Variants in SLX4IP observed in about 807,000 individuals in gnomAD.
The protein encoded by SLX4IP is protein SLX4IP.
SLX4IP carries 34 observed loss-of-function variants against 32.9 expected under a neutral mutation model. The observed-to-expected ratio is 1.03, with a 90% confidence interval of 0.79 to 1.38. The LOEUF is 1.38. Among genes scored for constraint, SLX4IP ranks in the 40% most tolerant of loss-of-function variants. The probability of loss-of-function intolerance (pLI) is 0.00; values close to 1 mark genes in which losing one functional copy is unlikely to be tolerated. For missense variants in SLX4IP, 444 were observed against 479.0 expected, an observed-to-expected ratio of 0.93 and a Z score of 0.68; for synonymous variants, 172 against 171.7, an observed-to-expected ratio of 1.00 and a Z score of -0.01.
intron 2 of SLX4IP, among the ~76,000 whole-genome samples, chr20:10,550,831 C>T (rs1387516653): frequency 6.6e-6 from 1 of 152,190 alleles, no homozygotes; most frequent in Admixed American, 6.5e-5. Flanking sequence ...ACTGCGACAC[C>T]ACCTCCCCTT....
chr20:10,562,270 AG>A (rs903508410), intron 4 of SLX4IP, among the ~76,000 whole-genome samples: 32 of 152,236 alleles, frequency 2.1e-4, no homozygotes, highest in African/African-American at 6.5e-4. Context: ...AATGGGTGCA[AG>A]GTTTTACTGA....
At chr20:10,581,871 A>T (rs191432490) in intron 4 of SLX4IP, among the ~76,000 whole-genome samples, 8 of 152,292 alleles carry the variant, frequency 5.3e-5, no homozygotes, top group South Asian at 4.1e-4. Context: ...GCAGTGAGCT[A>T]TGATCACGCC....
chr20:10,454,242 T>C (rs2065266596), intron 1 of SLX4IP, among the ~76,000 whole-genome samples: 1 of 152,218 alleles, frequency 6.6e-6, no homozygotes, highest in Non-Finnish European at 1.5e-5. Context: ...GTGGGGCTTA[T>C]GGATGTGGAC....
intron 2 of SLX4IP, among the ~76,000 whole-genome samples, chr20:10,541,419 A>G (rs2066104881): frequency 6.6e-6 from 1 of 152,230 alleles, no homozygotes; most frequent in Non-Finnish European, 1.5e-5. Context: ...TAATAGAACC[A>G]GGATTTCTGA....
chr20:10,601,614 A>G lies in SLX4IP; in HGVS notation c.317-117A>G, dbSNP rs549268198. The G allele has an allele frequency of 1.1e-5, 8 of 758,270 alleles. No individual in the cohort carries two copies. The East Asian group carries it at 1.6e-4, about 16-fold the overall frequency. 47.0% of individuals were successfully genotyped at this position (758,270 alleles called of 1,614,324 possible). The stretch of plus-strand genomic sequence containing the variant: ...AAGGATGGGAGGAGAGAAGAGACGT[A>G]TGTTTTATATGGATGTGCATATTGC... On this transcript the variant is annotated intron_variant, in intron 5 of 7. Transcript: ENST00000334534.
At chr20:10,528,242 T>C (rs951784413) in intron 2 of SLX4IP, among the ~76,000 whole-genome samples, 4 of 152,222 alleles carry the variant, frequency 2.6e-5, no homozygotes, top group African/African-American at 9.6e-5. Flanking sequence ...TTTGAAATTA[T>C]ATGAAAACAA....
chr20:10,560,101 C>A (rs1198295063), intron 3 of SLX4IP, among the ~76,000 whole-genome samples: 1 of 152,178 alleles, frequency 6.6e-6, no homozygotes, highest in Non-Finnish European at 1.5e-5. Flanking sequence ...TCCTTTTGAA[C>A]AAAGATCTAG....
intron 2 of SLX4IP, among the ~76,000 whole-genome samples, chr20:10,535,408 G>A (rs1393360513): frequency 6.6e-6 from 1 of 152,034 alleles, no homozygotes; most frequent in Non-Finnish European, 1.5e-5. Flanking sequence ...TGAAACCTCC[G>A]CCTCCTGGGT....
rs561113355 is a variant in SLX4IP, at chr20:10,627,428, G to A, written c.*4049G>A. On this transcript the variant is annotated 3_prime_UTR_variant, in exon 8 of 8. Transcript: ENST00000334534. ...GCATTGTAAAACGAAGTTAATTCAG[G>A]TAATTACTCAGTACAGAAATCTAAC... 1.3e-5 allele frequency: 2 copies of A among 152,266 alleles called. No individual in the cohort carries two copies. The highest frequency in any genetic ancestry group is 1.3e-4 in the Admixed American group (2 of 15,294). The allele number at this position is 152,266 out of a possible 1,614,324, so 9.4% of individuals were successfully genotyped here. A position where few individuals can be genotyped will look rare whatever the true frequency, so the allele number is the denominator to read the frequency against.
chr20:10,518,365 TTCTC>T lies in SLX4IP; in HGVS notation c.28-37858_28-37855del, dbSNP rs1011397560. On this transcript the variant is annotated intron_variant, in intron 2 of 7. Transcript: ENST00000334534. ...TTTCTTTCTTTCTCTCTTTCTTTCT[TTCTC>T]TCTCTCTTTCTTTCCTTCTTCCTTT... 4.6e-5 allele frequency among the ~76,000 whole-genome samples: 7 copies of T among 151,172 alleles called. 1 individual carries two copies. The highest frequency in any genetic ancestry group is 2.6e-4 in the Admixed American group (4 of 15,110).
chr20:10,518,236 A>C (rs776481326), intron 2 of SLX4IP, among the ~76,000 whole-genome samples: 2 of 152,236 alleles, frequency 1.3e-5, no homozygotes, highest in Non-Finnish European at 2.9e-5. Flanking sequence ...ATACTTGCTA[A>C]CTTTAAGAAC....
chr20:10,459,021 T>C (rs2065312801), intron 2 of SLX4IP, among the ~76,000 whole-genome samples: 1 of 152,224 alleles, frequency 6.6e-6, no homozygotes, highest in African/African-American at 2.4e-5. Context: ...CTCACCAGCA[T>C]CTGTTGTTTC....
At chr20:10,537,442 G>A (rs779195185) in intron 2 of SLX4IP, among the ~76,000 whole-genome samples, 3 of 152,216 alleles carry the variant, frequency 2.0e-5, no homozygotes, top group African/African-American at 7.2e-5. Flanking sequence ...ACACTGTTTC[G>A]TGAGGCATGT....
chr20:10,440,429 T>A (rs2065152059), intron 1 of SLX4IP, among the ~76,000 whole-genome samples: 1 of 152,022 alleles, frequency 6.6e-6, no homozygotes, highest in African/African-American at 2.4e-5. Context: ...CGCTTTAGCC[T>A]GGGTGACACA....
intron 4 of SLX4IP, among the ~76,000 whole-genome samples, chr20:10,569,175 ATTTTTTTTTT>A (rs555310488): frequency 2.3e-5 from 3 of 129,950 alleles, no homozygotes; most frequent in Non-Finnish European, 4.9e-5. Flanking sequence ...CCAGATCTAG[ATTTTTTTTTT>A]TTTTTTTTTT....
At chr20:10,598,380 C>T (rs1246910086) in intron 4 of SLX4IP, among the ~76,000 whole-genome samples, 2 of 152,208 alleles carry the variant, frequency 1.3e-5, no homozygotes, top group Non-Finnish European at 2.9e-5. Context: ...TCTTCTGCCT[C>T]AGCCTCCTGA....
chr20:10,609,933 T>TAA (rs33940995), intron 6 of SLX4IP, among the ~76,000 whole-genome samples: 8 of 150,318 alleles, frequency 5.3e-5, no homozygotes, highest in East Asian at 3.9e-4. Context: ...TCCTTAAAAT[T>TAA]AAAAAAAAAA....
chr20:10,590,928 A>G (rs2066702265), intron 4 of SLX4IP, among the ~76,000 whole-genome samples: 1 of 152,220 alleles, frequency 6.6e-6, no homozygotes, highest in South Asian at 2.1e-4. Flanking sequence ...GCTCTCAGAG[A>G]CATATTATTT....
chr20:10,605,297 T>C (rs1027087175), intron 6 of SLX4IP, among the ~76,000 whole-genome samples: 3 of 152,168 alleles, frequency 2.0e-5, no homozygotes, highest in Non-Finnish European at 4.4e-5. Flanking sequence ...CATAATTTGC[T>C]AAGTCCCAGC....
Sources: allele counts gnomAD v4.1 joint callset (sites outside exome capture counted in the v4.1 genomes callset), GRCh38; gene constraint gnomAD v4.1.1; transcripts MANE v1.5; gene names NCBI Gene and HGNC (gene_info 2026-07-23, HGNC 2026-07-21).